Variants in HERC5 observed in about 807,000 individuals in gnomAD.
HERC5 encodes the protein HECT and RLD domain containing E3 ubiquitin protein ligase 5, also known as E3 ISG15--protein ligase HERC5.
Under a neutral mutation model 119.6 loss-of-function variants are expected in HERC5, and 99 were observed. The observed-to-expected ratio is 0.83, with a 90% confidence interval of 0.70 to 0.98. HERC5 has a LOEUF of 0.98. Ranked by LOEUF, HERC5 falls within the 50% of genes least tolerant of loss-of-function variation. HERC5 has a pLI of 0.00. For synonymous variants in HERC5, 478 were observed against 445.9 expected (o/e 1.07, Z -0.91); for missense variants, 1,267 against 1,241.3 (o/e 1.02, Z -0.31).
At chr4:88,492,149 A>G (rs897665017) in intron 16 of HERC5, among the ~76,000 whole-genome samples, 2 of 151,820 alleles carry the variant, frequency 1.3e-5, no homozygotes, top group Middle Eastern at 3.4e-3. Flanking sequence ...GATTACAGGT[A>G]TGCATCACCA....
In HERC5 at chr4:88,458,025, C is replaced by T; in HGVS notation, c.265+491C>T. The T allele has an allele frequency of 6.1e-6, 6 of 986,808 alleles. No individual in the cohort carries two copies. In the South Asian group the frequency reaches 1.4e-4, roughly 23 times the overall value. 61.1% of individuals were successfully genotyped at this position (986,808 alleles called of 1,614,324 possible). A position where few individuals can be genotyped will look rare whatever the true frequency, so the allele number is the denominator to read the frequency against. On this transcript the variant is annotated intron_variant, in intron 1 of 22. Transcript: ENST00000264350. Reference sequence around the variant, plus strand: ...TTGCCCGCGTTCTTTAAAATTTTGCCCATCTGTGGAGTGAAGAAATTGGTA... The same window carrying T: ...TTGCCCGCGTTCTTTAAAATTTTGCTCATCTGTGGAGTGAAGAAATTGGTA...
At chr4:88,460,262 G>T in intron 3 of HERC5, 91 bp downstream of exon 3, 1 of 599,028 alleles carries the variant, frequency 1.7e-6, no homozygotes, top group South Asian at 2.4e-5. Context: ...ACTTGTAACA[G>T]GACAGAAATA....
Position 88,467,836 on chromosome 4 carries a change from A to G in HERC5, c.1058-510A>G, listed in dbSNP as rs1009527325. The G allele has an allele frequency of 1.0e-5, 10 of 965,850 alleles. No homozygotes were observed. The African/African-American group carries it at 1.8e-4, about 17-fold the overall frequency. The allele number at this position is 965,850 out of a possible 1,614,324, so 59.8% of individuals were successfully genotyped here. A position where few individuals can be genotyped will look rare whatever the true frequency, so the allele number is the denominator to read the frequency against. The stretch of plus-strand genomic sequence containing the variant: ...CTCCATTGTAGAAGCACCTTGGAGC[A>G]TTTCTGTTACTTGTTTCTGAAAGCT... On this transcript the variant is annotated intron_variant, in intron 7 of 22. Transcript: ENST00000264350.
rs148852557 is a variant in HERC5 at position 88,486,198 on chromosome 4, A to G, written c.1821A>G (p.Val607=). Residue 607 remains valine (V), a synonymous_variant, in exon 14 of 23, where the codon GTA becomes GTG. Coordinates refer to ENST00000264350, the MANE Select transcript of HERC5 (RefSeq NM_016323.4). The part of the protein sequence containing the change: ...LLHRLNFFVE[V]CRRYLWKMTV... ...ACCGTCTCAATTTTTTTGTAGAAGTATGCAGAAGGTACTTGTGGAAAATGA... is the reference window on the plus strand; with the variant it reads ...ACCGTCTCAATTTTTTTGTAGAAGTGTGCAGAAGGTACTTGTGGAAAATGA... The G allele has an allele frequency of 2.7e-5, 44 of 1,611,052 alleles. No homozygotes were observed. The East Asian group carries it at 8.7e-4, about 32-fold the overall frequency.
intron 6 of HERC5, among the ~76,000 whole-genome samples, chr4:88,466,421 A>G (rs1244939396): frequency 1.3e-5 from 2 of 152,186 alleles, no homozygotes; most frequent in Non-Finnish European, 2.9e-5. Flanking sequence ...GATTGGTTAA[A>G]TCATTGCCCG....
At position 88,462,358 on chromosome 4, in the gene HERC5, T is replaced by C; in HGVS notation, c.688+2T>C. On this transcript the variant is annotated splice_donor_variant, in intron 4 of 22. Transcript: ENST00000264350. LOFTEE classifies it high-confidence loss of function. ...AACTAGGCCTGGGCCACACTGAGAG[T>C]ATGGAACACATTCTCAGATTCCTAT... The C allele has an allele frequency of 1.2e-6, 2 of 1,609,700 alleles. No homozygotes were observed. The highest frequency in any genetic ancestry group is 1.7e-6 in the Non-Finnish European group (2 of 1,176,048).
chr4:88,504,534 AC>A lies in HERC5; in HGVS notation c.2808del (p.Ile937Ter). 1 of 1,577,956 alleles carries A rather than the reference AC, an allele frequency of 6.3e-7. No individual in the cohort carries two copies. Among genetic ancestry groups the A allele is most frequent in the Non-Finnish European group, 8.6e-7 (1 of 1,165,802 alleles). On this transcript the variant is annotated frameshift_variant, in exon 22 of 23. Coordinates refer to ENST00000264350, the MANE Select transcript of HERC5 (RefSeq NM_016323.4). LOFTEE classifies it high-confidence loss of function. The part of the protein sequence containing the change: ...YEPGYNSSHP[T>X]IVMFWKAFHK... ...ACCAGGATATAACAGTTCACATCCCACCATAGTGATGTTTTGGAAGGCTTTC... is the reference window on the plus strand; with the variant it reads ...ACCAGGATATAACAGTTCACATCCCACATAGTGATGTTTTGGAAGGCTTTC...
chr4:88,468,297 T>C (rs1431249572), intron 7 of HERC5, 49 bp from the exon 8 acceptor site: 1 of 1,308,304 alleles, frequency 7.6e-7, no homozygotes, highest in Admixed American at 1.9e-5. Context: ...ACATGCATGT[T>C]TGTGCCAAAT....
chr4:88,459,201 G>A (rs1740316543), intron 1 of HERC5, 146 bp from the exon 2 acceptor site: 3 of 590,396 alleles, frequency 5.1e-6, no homozygotes, highest in Non-Finnish European at 8.1e-6. Flanking sequence ...TTGCCTACCT[G>A]AATTTTCTTA....
chr4:88,503,142 C>T (rs1294480170), intron 20 of HERC5, among the ~76,000 whole-genome samples: 1 of 152,050 alleles, frequency 6.6e-6, no homozygotes, highest in Non-Finnish European at 1.5e-5. Context: ...TTTTATTTCT[C>T]ACATTTAGAT....
chr4:88,476,205 C>G (rs1161838717), intron 12 of HERC5, among the ~76,000 whole-genome samples, 175 bp downstream of exon 12: 1 of 152,100 alleles, frequency 6.6e-6, no homozygotes, highest in Non-Finnish European at 1.5e-5. Flanking sequence ...ATAGATTATT[C>G]TAATACTTTT....
At chr4:88,493,790 T>C (rs1232734994) in intron 17 of HERC5, among the ~76,000 whole-genome samples, 1 of 151,844 alleles carries the variant, frequency 6.6e-6, no homozygotes, top group East Asian at 1.9e-4. Context: ...GTTTTTGTAT[T>C]TTTTGTAGAG....
chr4:88,477,064 C>CTT (rs35438949), intron 12 of HERC5, among the ~76,000 whole-genome samples: 1,324 of 124,734 alleles, frequency 0.011, 32 homozygotes, highest in African/African-American at 0.037. Flanking sequence ...GTATTTATAG[C>CTT]TTTTTTTTTT....
intron 22 of HERC5, 78 bp downstream of exon 22, chr4:88,504,675 C>A: frequency 2.7e-6 from 2 of 753,868 alleles, no homozygotes; most frequent in South Asian, 3.1e-5. Context: ...TGATAAGTAC[C>A]ATTTGCAACA....
At chr4:88,505,463 G>T (rs1742076611) in intron 22 of HERC5, among the ~76,000 whole-genome samples, 1 of 152,176 alleles carries the variant, frequency 6.6e-6, no homozygotes. Context: ...TTCTTCACAA[G>T]AATCTAATAT....
At chr4:88,458,183 T>C (rs1241155046) in intron 1 of HERC5, 1 of 572,622 alleles carries the variant, frequency 1.7e-6, no homozygotes, top group Non-Finnish European at 2.2e-6. Context: ...ATGGAAGAGG[T>C]ATTTGAATAT....
At chr4:88,478,305 T>C (rs565309198) in intron 12 of HERC5, among the ~76,000 whole-genome samples, 10 of 152,246 alleles carry the variant, frequency 6.6e-5, no homozygotes, top group East Asian at 3.8e-4. Flanking sequence ...TATTTTGTTA[T>C]GTGTATCAAA....
intron 11 of HERC5, among the ~76,000 whole-genome samples, chr4:88,472,717 GTGTC>G (rs1740915810): frequency 6.7e-6 from 1 of 150,042 alleles, no homozygotes; most frequent in African/African-American, 2.5e-5. Context: ...TCTAAATAGT[GTGTC>G]TGTACACAAA....
At position 88,457,217 on chromosome 4, in the gene HERC5, G is replaced by C; in HGVS notation, c.-53G>C. 5 of 1,266,472 alleles carry C rather than the reference G, an allele frequency of 3.9e-6. No individual in the cohort carries two copies. The highest frequency in any genetic ancestry group is 5.0e-6 in the Non-Finnish European group (5 of 1,004,030). 78.5% of individuals were successfully genotyped at this position (1,266,472 alleles called of 1,614,324 possible). A position where few individuals can be genotyped will look rare whatever the true frequency, so the allele number is the denominator to read the frequency against. ...GAGGCAGTGGGCGCGCTCAGTCCCG[G>C]GACCAGGCGTTCTCTCCTCTCGCCT... On this transcript the variant is annotated 5_prime_UTR_variant, in exon 1 of 23. Transcript: ENST00000264350.
Sources: allele counts gnomAD v4.1 joint callset (sites outside exome capture counted in the v4.1 genomes callset), GRCh38; gene constraint gnomAD v4.1.1; transcripts MANE v1.5; gene names NCBI Gene and HGNC (gene_info 2026-07-23, HGNC 2026-07-21).